The following MAF variants were observed in gnomAD, a reference collection of about 807,000 sequenced individuals.
MAF encodes the protein MAF bZIP transcription factor.
In MAF, 10 loss-of-function variants were observed where a neutral mutation model predicts 22.0. The observed-to-expected ratio is 0.45, with a 90% CI of 0.28 to 0.77. The LOEUF (loss-of-function observed/expected upper bound fraction) is 0.77. Ranked by LOEUF, MAF falls within the 30% of genes least tolerant of loss-of-function variation. The pLI is 0.12. For missense variants in MAF, 544 were observed against 548.4 expected, an observed-to-expected ratio of 0.99 and a Z score of 0.08; for synonymous variants, 337 against 255.8, an observed-to-expected ratio of 1.32 and a Z score of -3.03.
chr16:79,581,926 A>T (rs1168247835), downstream of MAF, among the ~76,000 whole-genome samples: 2 of 152,180 alleles, frequency 1.3e-5, no homozygotes, highest in Non-Finnish European at 2.9e-5. Flanking sequence ...CCCACTGAGT[A>T]CCTGACACTA....
chr16:79,421,425 T>C, the MAF span, among the ~76,000 whole-genome samples: 527 of 152,316 alleles, frequency 3.5e-3, 3 homozygotes, highest in African/African-American at 0.012. Context: ...TTTTACTGTC[T>C]CCATAGTTTT....
the MAF span, among the ~76,000 whole-genome samples, chr16:79,323,693 T>C: frequency 6.6e-6 from 1 of 152,160 alleles, no homozygotes; most frequent in Non-Finnish European, 1.5e-5. Flanking sequence ...CTCCACAGTC[T>C]GTGCCACTCC....
chr16:79,557,228 G>C, the MAF span, among the ~76,000 whole-genome samples: 3 of 151,998 alleles, frequency 2.0e-5, no homozygotes, highest in South Asian at 6.2e-4. Context: ...TGCTGGGGGA[G>C]AGCTAAGAAA....
chr16:79,553,519 C>G, the MAF span, among the ~76,000 whole-genome samples: 1 of 152,190 alleles, frequency 6.6e-6, no homozygotes, highest in African/African-American at 2.4e-5. Context: ...AAAGAGATGC[C>G]TCAGCATATT....
chr16:79,448,635 C>A, the MAF span, among the ~76,000 whole-genome samples: 1 of 151,958 alleles, frequency 6.6e-6, no homozygotes, highest in African/African-American at 2.4e-5. Flanking sequence ...CTATGTTGTC[C>A]AGGCTGGTCT....
At chr16:79,220,218 T>G in the MAF span, among the ~76,000 whole-genome samples, 1,365 of 131,042 alleles carry the variant, frequency 0.01, 25 homozygotes, top group African/African-American at 0.038. Context: ...ATGGTGCCAA[T>G]GCACTCCAGC....
chr16:79,349,183 CA>C, the MAF span, among the ~76,000 whole-genome samples: 17 of 152,336 alleles, frequency 1.1e-4, no homozygotes, highest in East Asian at 2.1e-3. Context: ...CTGCCTTGCC[CA>C]AGGGCACACA....
At chr16:79,391,102 T>C in the MAF span, among the ~76,000 whole-genome samples, 1 of 152,150 alleles carries the variant, frequency 6.6e-6, no homozygotes, top group South Asian at 2.1e-4. Context: ...TGTTCCATCA[T>C]CATAGCACAT....
At chr16:79,422,019 C>A in the MAF span, among the ~76,000 whole-genome samples, 1 of 152,192 alleles carries the variant, frequency 6.6e-6, no homozygotes, top group Non-Finnish European at 1.5e-5. Context: ...CTCAGGTGAT[C>A]CACCCGCCTT....
chr16:79,523,474 A>T, the MAF span, among the ~76,000 whole-genome samples: 2 of 152,226 alleles, frequency 1.3e-5, no homozygotes, highest in Non-Finnish European at 2.9e-5. Flanking sequence ...GCGTGGGTTC[A>T]TTCATTTGTT....
the MAF span, among the ~76,000 whole-genome samples, chr16:79,286,446 CT>C: frequency 2.0e-5 from 3 of 152,244 alleles, no homozygotes. Flanking sequence ...CATAAATTCA[CT>C]GCCAACTACT....
the MAF span, among the ~76,000 whole-genome samples, chr16:79,242,323 C>G: frequency 7.3e-6 from 1 of 136,564 alleles, no homozygotes; most frequent in Non-Finnish European, 1.6e-5. Flanking sequence ...CACATACGCT[C>G]AAAATAAAGG....
chr16:79,542,201 G>A, the MAF span, among the ~76,000 whole-genome samples: 34 of 152,292 alleles, frequency 2.2e-4, no homozygotes, highest in African/African-American at 7.9e-4. Flanking sequence ...AGAGGGGAGC[G>A]AATGGGAACT....
the MAF span, among the ~76,000 whole-genome samples, chr16:79,489,368 T>C: frequency 6.6e-6 from 1 of 152,234 alleles, no homozygotes; most frequent in African/African-American, 2.4e-5. Flanking sequence ...CATCTATCCA[T>C]CCATCCTTTG....
the MAF span, among the ~76,000 whole-genome samples, chr16:79,369,820 C>G: frequency 6.6e-6 from 1 of 152,232 alleles, no homozygotes; most frequent in Non-Finnish European, 1.5e-5. Context: ...ATCGTGAAAA[C>G]TTTGGACAAG....
chr16:79,482,286 G>A, the MAF span, among the ~76,000 whole-genome samples: 3 of 152,068 alleles, frequency 2.0e-5, no homozygotes, highest in African/African-American at 7.3e-5. Context: ...CCATCTTTCT[G>A]GGGGTTCATT....
At chr16:79,428,777 C>T in the MAF span, among the ~76,000 whole-genome samples, 51 of 151,672 alleles carry the variant, frequency 3.4e-4, no homozygotes, top group African/African-American at 1.2e-3. Flanking sequence ...CCCAGGAGGT[C>T]GAGGCTGCAG....
the MAF span, among the ~76,000 whole-genome samples, chr16:79,481,950 A>T: frequency 2.6e-5 from 4 of 152,286 alleles, no homozygotes; most frequent in Admixed American, 2.6e-4. Context: ...AATTTGTCAG[A>T]CACAAGACTG....
chr16:79,223,090 T>C, the MAF span, among the ~76,000 whole-genome samples: 2 of 152,022 alleles, frequency 1.3e-5, no homozygotes, highest in African/African-American at 4.8e-5. Context: ...CACATTGCAC[T>C]TATTGTAAAA....
Sources: allele counts gnomAD v4.1 joint callset (sites outside exome capture counted in the v4.1 genomes callset), GRCh38; gene constraint gnomAD v4.1.1; transcripts MANE v1.5; gene names NCBI Gene and HGNC (gene_info 2026-07-23, HGNC 2026-07-21).